SRL: variants seen among roughly 807,000 people sequenced by gnomAD.
SRL encodes the protein sarcalumenin.
In SRL, 23 loss-of-function variants were observed where a neutral mutation model predicts 39.5. The ratio of observed to expected loss-of-function variants is 0.58; its 90% confidence interval spans 0.42 to 0.82. The LOEUF (loss-of-function observed/expected upper bound fraction) is 0.82, where lower values mean the gene tolerates loss of function less well. Among genes scored for constraint, SRL ranks in the 40% least tolerant of loss-of-function variants. SRL has a pLI of 0.00. For synonymous variants in SRL, 272 were observed against 237.4 expected, an observed-to-expected ratio of 1.15 and a Z score of -1.34; for missense variants, 592 against 607.8, an observed-to-expected ratio of 0.97 and a Z score of 0.27.
Position 4,192,019 on chromosome 16 carries a change from C to A in SRL, c.*134G>T, listed in dbSNP as rs183049221. 97 of 1,014,268 alleles carry A rather than the reference C, an allele frequency of 9.6e-5. 1 individual carries two copies. The East Asian group carries it at 1.5e-3, about 16-fold the overall frequency. 62.8% of individuals were successfully genotyped at this position (1,014,268 alleles called of 1,614,324 possible). On this transcript the variant is annotated 3_prime_UTR_variant, in exon 6 of 6. Coordinates refer to ENST00000399609, the MANE Select transcript of SRL (RefSeq NM_001098814.2). The surrounding 1 kb of genome is among the most constrained non-coding windows in gnomAD (Gnocchi z 4.0). ...CCACACACCTGCCCCGACCCCTGGC[C>A]TCAATGAACTCCCAACTCTCCACTG...
intron 1 of SRL, among the ~76,000 whole-genome samples, chr16:4,215,130 C>T (rs959494658): frequency 2.0e-4 from 31 of 152,174 alleles, no homozygotes; most frequent in African/African-American, 5.8e-4. Context: ...CATAAGGACC[C>T]GAGAAGAGAA....
intron 1 of SRL, among the ~76,000 whole-genome samples, chr16:4,224,853 G>A (rs1039487322): frequency 6.6e-6 from 1 of 152,230 alleles, no homozygotes; most frequent in African/African-American, 2.4e-5. Context: ...CTGTCCATCA[G>A]TAGATCAATG....
chr16:4,241,080 C>T (rs1385392246), intron 1 of SRL, among the ~76,000 whole-genome samples: 1 of 152,150 alleles, frequency 6.6e-6, no homozygotes, highest in East Asian at 1.9e-4. Flanking sequence ...CTGGGCCTCT[C>T]CAGTCCCAGG....
In SRL at chr16:4,191,238, C is replaced by T. The variant is rs1255374938; in HGVS notation, c.*915G>A. The T allele has an allele frequency of 1.3e-5, 2 of 152,256 alleles. No homozygotes were observed. The highest frequency in any genetic ancestry group is 2.9e-5 in the Non-Finnish European group (2 of 68,110). 9.4% of individuals were successfully genotyped at this position (152,256 alleles called of 1,614,324 possible). On this transcript the variant is annotated 3_prime_UTR_variant, in exon 6 of 6. Coordinates refer to ENST00000399609, the MANE Select transcript of SRL (RefSeq NM_001098814.2). Reference sequence around the variant, plus strand: ...CAGATCCTTGTCCTTCCTGGGAACTCCTGTTCTTAGTTGTCGAGTGTCCTA... The same window carrying T: ...CAGATCCTTGTCCTTCCTGGGAACTTCTGTTCTTAGTTGTCGAGTGTCCTA...
intron 1 of SRL, among the ~76,000 whole-genome samples, chr16:4,226,721 TATGG>T (rs1295328568): frequency 1.4e-5 from 2 of 145,344 alleles, no homozygotes; most frequent in African/African-American, 5.1e-5. Context: ...TGGAAGGAAA[TATGG>T]ATGAACAGAT....
intron 1 of SRL, chr16:4,206,774 G>A (rs2052324384): frequency 1.1e-5 from 5 of 456,742 alleles, no homozygotes; most frequent in Admixed American, 2.3e-5. Flanking sequence ...GTCCCTCCTC[G>A]GGCTCCTCTG....
chr16:4,219,485 G>A (rs1048100026), intron 1 of SRL, among the ~76,000 whole-genome samples: 41 of 152,078 alleles, frequency 2.7e-4, no homozygotes, highest in African/African-American at 7.7e-4. Flanking sequence ...AGACAGTCTC[G>A]CTCTATCACC....
intron 1 of SRL, among the ~76,000 whole-genome samples, chr16:4,211,667 C>A (rs1445584932): frequency 7.0e-6 from 1 of 143,788 alleles, no homozygotes; most frequent in East Asian, 2.2e-4. Flanking sequence ...GATGACCGTG[C>A]CGATGATGAG....
intron 1 of SRL, among the ~76,000 whole-genome samples, chr16:4,214,794 G>C (rs1007594043): frequency 6.7e-6 from 1 of 148,950 alleles, no homozygotes; most frequent in African/African-American, 2.5e-5. Context: ...TTTAGACGAA[G>C]TCTCATTCTG....
At chr16:4,232,350 A>T (rs2052668304) in intron 1 of SRL, among the ~76,000 whole-genome samples, 1 of 152,174 alleles carries the variant, frequency 6.6e-6, no homozygotes. Context: ...ATCATCTACT[A>T]CTTGACACTA....
intron 1 of SRL, among the ~76,000 whole-genome samples, chr16:4,222,072 A>G (rs1249801443): frequency 6.6e-6 from 1 of 152,146 alleles, no homozygotes; most frequent in Non-Finnish European, 1.5e-5. Context: ...TGGGGGATGC[A>G]ATCCAACCCA....
chr16:4,216,321 G>C (rs1340219281), intron 1 of SRL, among the ~76,000 whole-genome samples: 3 of 151,706 alleles, frequency 2.0e-5, no homozygotes, highest in Non-Finnish European at 2.9e-5. Flanking sequence ...ACTCAGGCTG[G>C]AGTACAGTGG....
rs1281769473 is a variant in SRL at position 4,242,054 on chromosome 16, AC to A, written c.13del (p.Val5SerfsTer28). On this transcript the variant is annotated frameshift_variant, in exon 1 of 6. Coordinates refer to ENST00000399609, the MANE Select transcript of SRL (RefSeq NM_001098814.2). LOFTEE classifies it high-confidence loss of function. MRAL[V>X]LLGCLLASLL... ...CGAGGCCAGGAGGCAGCCGAGCAGG[AC>A]CAGCGCCCTCATGGTGACTGCCAAG... 6.2e-7 allele frequency: 1 copy of A among 1,612,218 alleles called. No homozygotes were observed. The highest frequency in any genetic ancestry group is 8.5e-7 in the Non-Finnish European group (1 of 1,179,620).
At chr16:4,212,677 G>A (rs1377240235) in intron 1 of SRL, among the ~76,000 whole-genome samples, 1 of 152,156 alleles carries the variant, frequency 6.6e-6, no homozygotes, top group African/African-American at 2.4e-5. Flanking sequence ...TGACGTCAGG[G>A]CACAGGAATA....
chr16:4,211,268 C>G (rs190169902), intron 1 of SRL, among the ~76,000 whole-genome samples: 5 of 152,234 alleles, frequency 3.3e-5, no homozygotes, highest in Admixed American at 6.5e-5. Context: ...CCTCCCTACT[C>G]GCAGGCCCAC....
chr16:4,215,245 T>C (rs566697979), intron 1 of SRL, among the ~76,000 whole-genome samples: 198 of 152,244 alleles, frequency 1.3e-3, no homozygotes, highest in Non-Finnish European at 2.3e-3. Context: ...GCGACCAGAG[T>C]GCAGGGGCTG....
chr16:4,242,003 C>T lies in SRL; in HGVS notation c.61+4G>A. On this transcript the variant is annotated splice_donor_region_variant and intron_variant, in intron 1 of 5. Transcript: ENST00000399609. ...GGGCTGGGTCATGCTGGGAGGGGCC[C>T]TACCTGCTTGTCCTGAGAACAGGAG... 2 of 1,613,730 alleles carry T rather than the reference C, an allele frequency of 1.2e-6. No individual in the cohort carries two copies. The highest frequency in any genetic ancestry group is 1.7e-6 in the Non-Finnish European group (2 of 1,179,920).
At chr16:4,240,398 C>T (rs2052760073) in intron 1 of SRL, among the ~76,000 whole-genome samples, 1 of 152,182 alleles carries the variant, frequency 6.6e-6, no homozygotes, top group Admixed American at 6.5e-5. Flanking sequence ...GAGGCCTATT[C>T]TGGGGTATAC....
intron 2 of SRL, 56 bp downstream of exon 2, chr16:4,204,477 C>A (rs528721313): frequency 5.2e-6 from 8 of 1,530,610 alleles, no homozygotes; most frequent in Non-Finnish European, 7.2e-6. Context: ...GGAGTCTGCC[C>A]GGGCCCTGGT....
Sources: gnomAD v4.1 joint callset for allele counts (sites outside exome capture counted in the v4.1 genomes callset) on GRCh38, gnomAD v4.1.1 for gene constraint, Gnocchi (gnomAD v3.1) non-coding constraint, MANE v1.5 for transcripts, NCBI Gene and HGNC (gene_info 2026-07-23, HGNC 2026-07-21) for gene names.